Variants in MAP4K3 observed in about 807,000 individuals in gnomAD.
MAP4K3 encodes the protein MAPK/ERK kinase kinase kinase 3.
Under a neutral mutation model 143.5 loss-of-function variants are expected in MAP4K3, and 94 were observed. The observed-to-expected ratio is 0.65, with a 90% CI of 0.55 to 0.78. The LOEUF is 0.78. Among genes scored for constraint, MAP4K3 ranks in the 30% least tolerant of loss-of-function variants. MAP4K3 has a pLI of 0.00. For synonymous variants in MAP4K3, 416 were observed against 347.2 expected (o/e 1.20, Z -2.20); for missense variants, 1,077 against 1,068.1 (o/e 1.01, Z -0.12).
At chr2:39,269,503 C>T (rs1359430900) in intron 26 of MAP4K3, among the ~76,000 whole-genome samples, 1 of 97,186 alleles carries the variant, frequency 1.0e-5, no homozygotes, top group African/African-American at 4.0e-5. Context: ...GAGACAGGGT[C>T]TCACTCTGTT....
intron 21 of MAP4K3, among the ~76,000 whole-genome samples, chr2:39,282,951 C>G (rs1057206907): frequency 6.6e-6 from 1 of 152,208 alleles, no homozygotes; most frequent in Non-Finnish European, 1.5e-5. Flanking sequence ...TAATCCATAT[C>G]GGTCATGTAG....
intron 3 of MAP4K3, among the ~76,000 whole-genome samples, chr2:39,352,168 G>A (rs776331430): frequency 7.1e-4 from 108 of 152,174 alleles, no homozygotes; most frequent in African/African-American, 2.3e-3. Context: ...GCGTGCGCCC[G>A]TAATCCCAGC....
chr2:39,288,327 T>G lies in MAP4K3; in HGVS notation c.1315-47A>C, dbSNP rs767584868. ...GACCAACAATGAAACATCAAATTAT[T>G]TTCCTGAAGTAAGTACTATTATACA... On this transcript the variant is annotated intron_variant, in intron 19 of 33. Coordinates refer to ENST00000263881, the MANE Select transcript of MAP4K3 (RefSeq NM_003618.4). The G allele has an allele frequency of 2.6e-6, 4 of 1,545,604 alleles. No homozygotes were observed. The South Asian group carries it at 3.4e-5, about 13-fold the overall frequency.
chr2:39,326,433 TTC>T (rs1683491979), intron 8 of MAP4K3, among the ~76,000 whole-genome samples, 156 bp from the exon 9 acceptor site: 1 of 152,168 alleles, frequency 6.6e-6, no homozygotes, highest in Admixed American at 6.5e-5. Context: ...GGTCCACCTT[TTC>T]CAAGATCTTG....
chr2:39,364,543 C>T (rs1193192784), intron 2 of MAP4K3, among the ~76,000 whole-genome samples: 1 of 152,156 alleles, frequency 6.6e-6, no homozygotes, highest in East Asian at 1.9e-4. Flanking sequence ...TGGTTTTACA[C>T]ATTTTAAGGA....
intron 3 of MAP4K3, among the ~76,000 whole-genome samples, chr2:39,346,557 T>G (rs907682660): frequency 6.6e-6 from 1 of 152,212 alleles, no homozygotes; most frequent in African/African-American, 2.4e-5. Flanking sequence ...ATCCACACCC[T>G]TGGGGCAGTG....
At position 39,380,734 on chromosome 2, in the gene MAP4K3, C is replaced by T. The variant is rs531577961; in HGVS notation, c.97-2611G>A. Among the ~76,000 whole-genome samples the T allele has an allele frequency of 2.6e-5, 4 of 152,126 alleles. No homozygotes were observed. In the South Asian group the frequency reaches 8.3e-4, roughly 31 times the overall value. ...ATAACTCTGCAAGGGTACAACACAT[C>T]ATTGCTTTAAAGACAAAAATCCAAA... On this transcript the variant is annotated intron_variant, in intron 1 of 33. Coordinates refer to ENST00000263881, the MANE Select transcript of MAP4K3 (RefSeq NM_003618.4).
rs1487638636 is a variant in MAP4K3 at position 39,258,534 on chromosome 2, G to A, written c.2362C>T (p.Leu788Phe). Residue 788 changes from leucine (L) to phenylalanine (F), a missense_variant, in exon 30 of 34, where the codon CTT (leucine) becomes TTT (phenylalanine). Leu to Phe is a conservative substitution (Grantham distance 22). Coordinates refer to ENST00000263881, the MANE Select transcript of MAP4K3 (RefSeq NM_003618.4). ...HVTQLERDTI[L>F]VCLDCCIKIV... ...AAAAACTTACAGTCCAAGCATACAA[G>A]GATGGTATCTCTCTCCAGTTGGGTT... 1 of 1,613,274 alleles carries A rather than the reference G, an allele frequency of 6.2e-7. No individual in the cohort carries two copies. Among genetic ancestry groups the A allele is most frequent in the Non-Finnish European group, 8.5e-7 (1 of 1,179,388 alleles).
chr2:39,346,517 G>C (rs1202205426), intron 3 of MAP4K3, among the ~76,000 whole-genome samples: 1 of 152,172 alleles, frequency 6.6e-6, no homozygotes, highest in East Asian at 1.9e-4. Flanking sequence ...CTTCGGCAAA[G>C]AAAGCATCAC....
chr2:39,266,976 T>C (rs576373044), intron 27 of MAP4K3, among the ~76,000 whole-genome samples: 1 of 152,310 alleles, frequency 6.6e-6, no homozygotes, highest in Non-Finnish European at 1.5e-5. Context: ...GCAAATAATT[T>C]ATTTGCTAAT....
intron 3 of MAP4K3, among the ~76,000 whole-genome samples, chr2:39,353,649 C>T (rs753969690): frequency 2.6e-5 from 4 of 151,980 alleles, no homozygotes; most frequent in Non-Finnish European, 5.9e-5. Context: ...TAATTTCTAC[C>T]ACAGCTATAC....
rs1244438483 is a variant in MAP4K3, at chr2:39,382,347, GTA to G, written c.97-4226_97-4225del. On this transcript the variant is annotated intron_variant, in intron 1 of 33. Coordinates refer to ENST00000263881, the MANE Select transcript of MAP4K3 (RefSeq NM_003618.4). ...TCTACTATGTATTGAGCCCCTTGGA[GTA>G]CTCAAACCTTACTATGTAGAAGGGC... Among the ~76,000 whole-genome samples, 199 of 152,314 alleles carry G rather than the reference GTA, an allele frequency of 1.3e-3. 3 individuals are homozygous for G. Among genetic ancestry groups the G allele is most frequent in the African/African-American group, 4.6e-3 (193 of 41,566 alleles).
intron 1 of MAP4K3, among the ~76,000 whole-genome samples, chr2:39,400,895 T>TA (rs1375134930): frequency 6.6e-6 from 1 of 152,130 alleles, no homozygotes; most frequent in Non-Finnish European, 1.5e-5. Context: ...ATATAACACT[T>TA]AGTCTTTAGA....
At chr2:39,374,959 G>C (rs1666178382) in intron 2 of MAP4K3, among the ~76,000 whole-genome samples, 1 of 152,076 alleles carries the variant, frequency 6.6e-6, no homozygotes, top group East Asian at 1.9e-4. Flanking sequence ...TGGAAGACTA[G>C]CCATCAAAAA....
intron 2 of MAP4K3, among the ~76,000 whole-genome samples, chr2:39,357,963 G>C (rs1040362299): frequency 3.3e-5 from 5 of 152,178 alleles, no homozygotes; most frequent in Admixed American, 2.0e-4. Context: ...TCTGGGGGTA[G>C]CCCTGAGAGT....
At chr2:39,430,320 T>C (rs548549358) in intron 1 of MAP4K3, among the ~76,000 whole-genome samples, 1 of 152,266 alleles carries the variant, frequency 6.6e-6, no homozygotes, top group Admixed American at 6.5e-5. Context: ...CATATGTAAA[T>C]TTATGGTCAA....
chr2:39,265,553 T>C (rs1429583808), intron 27 of MAP4K3, among the ~76,000 whole-genome samples: 1 of 152,192 alleles, frequency 6.6e-6, no homozygotes, highest in Non-Finnish European at 1.5e-5. Context: ...CTGGTTATAA[T>C]GAGGCTGTGG....
rs1387141640 is a variant in MAP4K3 at position 39,426,333 on chromosome 2, CAT to C, written c.96+10557_96+10558del. 5.3e-5 allele frequency among the ~76,000 whole-genome samples: 8 copies of C among 152,064 alleles called. No individual in the cohort carries two copies. The South Asian group carries it at 1.0e-3, about 20-fold the overall frequency. On this transcript the variant is annotated intron_variant, in intron 1 of 33. Transcript: ENST00000263881. ...GAAGAGTCTTAGAAACTAAAAATAG[CAT>C]ATGATTCTCCTGGATTTCTGGAGTT...
chr2:39,330,689 G>A (rs1441993716), intron 8 of MAP4K3, among the ~76,000 whole-genome samples: 2 of 152,082 alleles, frequency 1.3e-5, no homozygotes, highest in Non-Finnish European at 1.5e-5. Context: ...AATCAGCACT[G>A]ACAGATAATG....
Sources: allele counts gnomAD v4.1 joint callset (sites outside exome capture counted in the v4.1 genomes callset), GRCh38; gene constraint gnomAD v4.1.1; transcripts MANE v1.5; gene names NCBI Gene and HGNC (gene_info 2026-07-23, HGNC 2026-07-21).